The following TRPC7 variants were observed in gnomAD, a reference collection of about 807,000 sequenced individuals.
TRPC7 encodes short transient receptor potential channel 7.
Under a neutral mutation model 90.1 loss-of-function variants are expected in TRPC7, and 42 were observed. The observed-to-expected ratio is 0.47, with a 90% CI of 0.36 to 0.60. The LOEUF (loss-of-function observed/expected upper bound fraction) is 0.60, where lower values mean the gene tolerates loss of function less well. Among genes scored for constraint, TRPC7 ranks in the 20% least tolerant of loss-of-function variants. TRPC7 has a pLI of 0.00. For synonymous variants in TRPC7, 451 were observed against 436.3 expected, an observed-to-expected ratio of 1.03 and a Z score of -0.42; for missense variants, 955 against 1,112.3, an observed-to-expected ratio of 0.86 and a Z score of 2.01.
intron 2 of TRPC7, among the ~76,000 whole-genome samples, chr5:136,352,452 C>G (rs148205223): frequency 6.6e-6 from 1 of 151,612 alleles, no homozygotes; most frequent in Non-Finnish European, 1.5e-5. Context: ...TAAAATGGAC[C>G]CTAACCAATT....
At chr5:136,276,623 T>A (rs1403732561) in intron 3 of TRPC7, among the ~76,000 whole-genome samples, 1 of 152,252 alleles carries the variant, frequency 6.6e-6, no homozygotes, top group East Asian at 1.9e-4. Flanking sequence ...ATACCATTAC[T>A]TGAAATATTA....
chr5:136,225,186 G>T, intron 10 of TRPC7, 88 bp downstream of exon 10: 2 of 1,157,852 alleles, frequency 1.7e-6, no homozygotes, highest in Non-Finnish European at 1.2e-6. Context: ...CTGTGTTCTC[G>T]GGGGATGACA....
chr5:136,239,303 T>C (rs1237674403), intron 7 of TRPC7, among the ~76,000 whole-genome samples: 1 of 152,228 alleles, frequency 6.6e-6, no homozygotes, highest in Non-Finnish European at 1.5e-5. Context: ...GACTTGAATT[T>C]ATAACATGAA....
intron 2 of TRPC7, among the ~76,000 whole-genome samples, chr5:136,333,993 C>T (rs1187249550): frequency 6.6e-6 from 1 of 152,092 alleles, no homozygotes; most frequent in Non-Finnish European, 1.5e-5. Flanking sequence ...GGATACCCAC[C>T]CTTGATGCTC....
intron 2 of TRPC7, among the ~76,000 whole-genome samples, chr5:136,337,343 C>G (rs1032436444): frequency 6.6e-6 from 1 of 152,144 alleles, no homozygotes; most frequent in Non-Finnish European, 1.5e-5. Flanking sequence ...CTGAACATTT[C>G]CTGGAGCTCA....
At chr5:136,260,990 G>A (rs1428686597) in intron 5 of TRPC7, among the ~76,000 whole-genome samples, 1 of 152,168 alleles carries the variant, frequency 6.6e-6, no homozygotes, top group Non-Finnish European at 1.5e-5. Flanking sequence ...GAAAAGAACT[G>A]TGCTATTTTG....
At chr5:136,341,114 A>G (rs1445726282) in intron 2 of TRPC7, among the ~76,000 whole-genome samples, 1 of 152,190 alleles carries the variant, frequency 6.6e-6, no homozygotes, top group African/African-American at 2.4e-5. Context: ...CAGCGACTCC[A>G]TTTTGGAGAG....
chr5:136,353,137 C>T (rs147198788), intron 2 of TRPC7, among the ~76,000 whole-genome samples: 166 of 152,252 alleles, frequency 1.1e-3, no homozygotes, highest in African/African-American at 3.9e-3. Flanking sequence ...TAAGAAAATC[C>T]TTGAACAGCT....
intron 3 of TRPC7, among the ~76,000 whole-genome samples, chr5:136,313,605 G>T (rs572412286): frequency 6.6e-6 from 1 of 152,310 alleles, no homozygotes; most frequent in African/African-American, 2.4e-5. Flanking sequence ...AATTCATGAA[G>T]AATAAATGTC....
intron 3 of TRPC7, among the ~76,000 whole-genome samples, chr5:136,312,890 C>A (rs1486203427): frequency 1.3e-5 from 2 of 149,840 alleles, no homozygotes; most frequent in Admixed American, 6.7e-5. Flanking sequence ...AAGACTGATA[C>A]ATGAAAAACT....
intron 3 of TRPC7, among the ~76,000 whole-genome samples, chr5:136,298,085 C>T (rs1043705841): frequency 9.9e-5 from 15 of 152,150 alleles, no homozygotes; most frequent in Admixed American, 5.9e-4. Context: ...TTAAGGGAAA[C>T]AGACAATAAA....
chr5:136,260,194 C>A (rs1272647014), intron 5 of TRPC7, among the ~76,000 whole-genome samples: 2 of 152,076 alleles, frequency 1.3e-5, no homozygotes, highest in Middle Eastern at 3.2e-3. Context: ...GGAGAGAGGG[C>A]TACAGTTAAA....
chr5:136,294,871 A>G (rs1052056981), intron 3 of TRPC7, among the ~76,000 whole-genome samples: 4 of 152,266 alleles, frequency 2.6e-5, no homozygotes, highest in African/African-American at 9.6e-5. Context: ...TCACAATAGC[A>G]AAGACTTGGA....
At chr5:136,258,917 T>C (rs1756768753) in intron 5 of TRPC7, among the ~76,000 whole-genome samples, 1 of 152,226 alleles carries the variant, frequency 6.6e-6, no homozygotes. Context: ...GCCTAGTGGC[T>C]GTGAACCCAC....
intron 7 of TRPC7, among the ~76,000 whole-genome samples, chr5:136,238,007 C>T (rs770570409): frequency 3.9e-5 from 6 of 152,162 alleles, no homozygotes; most frequent in African/African-American, 7.2e-5. Flanking sequence ...TCCTGGAGCC[C>T]GAGGCTGGCT....
chr5:136,223,800 A>T (rs116225843), intron 10 of TRPC7, among the ~76,000 whole-genome samples: 65 of 152,300 alleles, frequency 4.3e-4, no homozygotes, highest in African/African-American at 1.5e-3. Context: ...CTTTTCTGTG[A>T]CACAGATAAT....
intron 6 of TRPC7, among the ~76,000 whole-genome samples, chr5:136,248,559 A>G (rs145335242): frequency 2.0e-4 from 31 of 152,334 alleles, no homozygotes; most frequent in African/African-American, 7.2e-4. Context: ...TTCCTCAGGT[A>G]CTGTGTGCTG....
chr5:136,315,893 A>G lies in TRPC7; in HGVS notation c.781-114T>C, dbSNP rs1759006281. 7.7e-6 allele frequency: 8 copies of G among 1,036,932 alleles called. No individual in the cohort carries two copies. The South Asian group carries it at 9.6e-5, about 12-fold the overall frequency. 64.2% of individuals were successfully genotyped at this position (1,036,932 alleles called of 1,614,324 possible). On this transcript the variant is annotated intron_variant, in intron 2 of 11. Transcript: ENST00000513104. ...CACCACATGTGACCTTATGGAGCAC[A>G]TTGGATGCACTTATGGAACGCAGCA...
intron 2 of TRPC7, among the ~76,000 whole-genome samples, chr5:136,346,839 C>T (rs1760022243): frequency 6.6e-6 from 1 of 152,154 alleles, no homozygotes; most frequent in East Asian, 1.9e-4. Context: ...TGAATAGCAC[C>T]CCGCAGCCCA....
Sources: gnomAD v4.1 joint callset for allele counts (sites outside exome capture counted in the v4.1 genomes callset) on GRCh38, gnomAD v4.1.1 for gene constraint, MANE v1.5 for transcripts, NCBI Gene and HGNC (gene_info 2026-07-23, HGNC 2026-07-21) for gene names.